KYNU: variants seen among roughly 807,000 people sequenced by gnomAD.
KYNU encodes L-kynurenine hydrolase.
A neutral mutation model predicts 59.2 loss-of-function variants in KYNU; 54 were observed. The observed-to-expected ratio is 0.91, with a 90% CI of 0.73 to 1.14. The LOEUF (loss-of-function observed/expected upper bound fraction) is 1.14. KYNU is among the 50% of genes most tolerant of loss of function. The pLI is 0.00. For missense variants in KYNU, 567 were observed against 554.4 expected (o/e 1.02, Z -0.23); for synonymous variants, 177 against 192.0 (o/e 0.92, Z 0.65).
rs2104930370 is a variant in KYNU at position 143,044,374 on chromosome 2, G to T, written c.*2202G>T. The T allele has an allele frequency of 6.6e-6, 1 of 152,258 alleles. No individual in the cohort carries two copies. Among genetic ancestry groups the T allele is most frequent in the Non-Finnish European group, 1.5e-5 (1 of 68,010 alleles). The allele number at this position is 152,258 out of a possible 1,614,324, so 9.4% of individuals were successfully genotyped here. ...AGTAATGGGATTGCTGGGTTAAATG[G>T]TATTTCTGGTTCTAGATCCTCGAGG... On this transcript the variant is annotated 3_prime_UTR_variant, in exon 14 of 14. Coordinates refer to ENST00000264170, the MANE Select transcript of KYNU (RefSeq NM_003937.3).
chr2:142,927,553 T>C (rs3768849), intron 3 of KYNU, 106 bp from the exon 4 acceptor site: 89,576 of 830,222 alleles, frequency 0.11, 5,794 homozygotes, highest in African/African-American at 0.25. Flanking sequence ...TACTAACACA[T>C]AGAAAGGTCC....
At chr2:142,915,936 G>A (rs1288382255) in intron 2 of KYNU, among the ~76,000 whole-genome samples, 2 of 152,054 alleles carry the variant, frequency 1.3e-5, no homozygotes, top group Non-Finnish European at 2.9e-5. Context: ...ATGTTGTGAT[G>A]TTCTTATAAA....
chr2:142,926,877 C>T (rs565900110), intron 3 of KYNU, among the ~76,000 whole-genome samples: 1 of 152,194 alleles, frequency 6.6e-6, no homozygotes, highest in African/African-American at 2.4e-5. Context: ...GACCCCCCTG[C>T]CTGCTTACAG....
intron 4 of KYNU, among the ~76,000 whole-genome samples, chr2:142,954,416 G>A (rs1414113832): frequency 3.9e-5 from 6 of 151,918 alleles, no homozygotes; most frequent in East Asian, 1.9e-4. Flanking sequence ...TAGAAACAAC[G>A]AACTTTAAAA....
intron 10 of KYNU, among the ~76,000 whole-genome samples, chr2:142,987,456 T>G (rs1369435067): frequency 6.6e-6 from 1 of 151,976 alleles, no homozygotes; most frequent in Non-Finnish European, 1.5e-5. Context: ...AAAGGGATTG[T>G]ATTGTGCTCA....
At position 142,877,954 on chromosome 2, in the gene KYNU, C is replaced by T. The variant is rs139100652; in HGVS notation, c.-20+218C>T. Among the ~76,000 whole-genome samples the T allele has an allele frequency of 5.9e-5, 9 of 152,178 alleles. No homozygotes were observed. The East Asian group carries it at 1.7e-3, about 29-fold the overall frequency. On this transcript the variant is annotated intron_variant, in intron 1 of 13. Coordinates refer to ENST00000264170, the MANE Select transcript of KYNU (RefSeq NM_003937.3). ...AATGGGTTAAATGAAAAGATCTTTA[C>T]TAATGTAATAGAAAAGAACTGATGA...
In KYNU at chr2:143,045,887, T is replaced by A. The variant is rs1687157385; in HGVS notation, c.*3715T>A. The A allele has an allele frequency of 6.6e-6, 1 of 152,144 alleles. No individual in the cohort carries two copies. The highest frequency in any genetic ancestry group is 2.1e-4 in the South Asian group (1 of 4,830). The allele number at this position is 152,144 out of a possible 1,614,324, so 9.4% of individuals were successfully genotyped here. ...CAAGCAGCTTAGTAGGAGAAACATA[T>A]GTTGAACTTGTAAGCAGAGAAGTAA... On this transcript the variant is annotated 3_prime_UTR_variant, in exon 14 of 14. Coordinates refer to ENST00000264170, the MANE Select transcript of KYNU (RefSeq NM_003937.3).
rs538908084 is a variant in KYNU at position 142,970,251 on chromosome 2, TGGA to T, written c.729+9487_729+9489del. On this transcript the variant is annotated intron_variant, in intron 8 of 13. Coordinates refer to ENST00000264170, the MANE Select transcript of KYNU (RefSeq NM_003937.3). ...TTTTCGCAGCAGATAATCTATCTTA[TGGA>T]GGAGGGTGGTGAGCAAAGAAGATAA... Among the ~76,000 whole-genome samples the T allele has an allele frequency of 1.4e-4, 21 of 152,294 alleles. No individual in the cohort carries two copies. The South Asian group carries it at 4.4e-3, about 32-fold the overall frequency.
chr2:142,885,462 A>C lies in KYNU; in HGVS notation c.95A>C (p.His32Pro). 1 of 1,613,948 alleles carries C rather than the reference A, an allele frequency of 6.2e-7. No homozygotes were observed. The highest frequency in any genetic ancestry group is 8.5e-7 in the Non-Finnish European group (1 of 1,179,940). The change falls in exon 2 of 14, where the codon CAC becomes CCC. Residue 32 changes from histidine to proline, a missense_variant. His to Pro is a moderately conservative substitution (Grantham distance 77). Transcript: ENST00000264170. ...CCAACGGATGAGAGGGTGGCTCTCCACCTAGATGAGGAAGATAAGCTGAGG... is the reference window on the plus strand; with the variant it reads ...CCAACGGATGAGAGGGTGGCTCTCCCCCTAGATGAGGAAGATAAGCTGAGG... ...CHPTDERVAL[H>P]LDEEDKLRHF... is the part of the protein sequence containing the mutation.
chr2:142,935,207 AG>A (rs1382384145), intron 4 of KYNU, among the ~76,000 whole-genome samples: 1 of 152,124 alleles, frequency 6.6e-6, no homozygotes, highest in Admixed American at 6.6e-5. Flanking sequence ...CAGCTGGCTG[AG>A]TTTAGGTTGG....
In KYNU at chr2:143,052,488, TC is replaced by T. The variant is rs757278398; in HGVS notation, c.*10317del. 5.3e-5 allele frequency: 8 copies of T among 152,222 alleles called. No individual in the cohort carries two copies. The highest frequency in any genetic ancestry group is 1.2e-4 in the Non-Finnish European group (8 of 68,106). The allele number at this position is 152,222 out of a possible 1,614,324, so 9.4% of individuals were successfully genotyped here. A position where few individuals can be genotyped will look rare whatever the true frequency, so the allele number is the denominator to read the frequency against. ...AGGAGCTTTAGAAGGAAAAATGGCT[TC>T]GTGGGCTGGTCACAGGGTCCCTCTG... On this transcript the variant is annotated 3_prime_UTR_variant, in exon 14 of 14. Transcript: ENST00000264170.
chr2:143,019,505 T>A (rs1686349159), intron 10 of KYNU, among the ~76,000 whole-genome samples: 1 of 152,122 alleles, frequency 6.6e-6, no homozygotes, highest in Non-Finnish European at 1.5e-5. Context: ...GGATAAATGC[T>A]ACTTGATCAT....
chr2:142,940,369 A>T (rs1480601944), intron 4 of KYNU, among the ~76,000 whole-genome samples: 1 of 152,220 alleles, frequency 6.6e-6, no homozygotes, highest in Non-Finnish European at 1.5e-5. Context: ...GTTTATATAG[A>T]AGCCAGGGAA....
chr2:142,986,101 CT>C, intron 10 of KYNU, 80 bp downstream of exon 10: 2 of 929,274 alleles, frequency 2.2e-6, no homozygotes, highest in Non-Finnish European at 1.8e-6. Context: ...ACATGAGTTC[CT>C]TAAGATGCTA....
At chr2:142,933,885 A>G (rs1683303347) in intron 4 of KYNU, among the ~76,000 whole-genome samples, 1 of 152,218 alleles carries the variant, frequency 6.6e-6, no homozygotes, top group African/African-American at 2.4e-5. Context: ...GGGTTTTCCC[A>G]TGTAAAGGCA....
At chr2:142,964,169 A>T (rs1340030988) in intron 8 of KYNU, among the ~76,000 whole-genome samples, 12 of 151,254 alleles carry the variant, frequency 7.9e-5, no homozygotes, top group African/African-American at 2.9e-4. Context: ...AATAGATCAC[A>T]GGTTTTTTCC....
intron 2 of KYNU, among the ~76,000 whole-genome samples, chr2:142,898,319 C>A (rs894447148): frequency 2.0e-5 from 3 of 151,928 alleles, no homozygotes; most frequent in African/African-American, 7.2e-5. Flanking sequence ...TTGCTGCAGC[C>A]AATCCCAGGA....
chr2:142,880,609 C>G (rs1002443105), intron 1 of KYNU, among the ~76,000 whole-genome samples: 1 of 152,212 alleles, frequency 6.6e-6, no homozygotes, highest in Non-Finnish European at 1.5e-5. Context: ...CTGTATCTAA[C>G]TGAATGAATA....
At position 143,032,049 on chromosome 2, in the gene KYNU, G is replaced by A. The variant is rs552684840; in HGVS notation, c.956-1187G>A. Among the ~76,000 whole-genome samples, 79 of 152,164 alleles carry A rather than the reference G, an allele frequency of 5.2e-4. 1 individual carries two copies. The highest frequency in any genetic ancestry group is 1.8e-3 in the African/African-American group (74 of 41,508). On this transcript the variant is annotated intron_variant, in intron 11 of 13. Coordinates refer to ENST00000264170, the MANE Select transcript of KYNU (RefSeq NM_003937.3). ...TCCCAGCACTTTGGGAGGCCAAGGC[G>A]GGCGGATCACGAGGTCAGGAGATCG...
Sources: allele counts gnomAD v4.1 joint callset (sites outside exome capture counted in the v4.1 genomes callset), GRCh38; gene constraint gnomAD v4.1.1; transcripts MANE v1.5; gene names NCBI Gene and HGNC (gene_info 2026-07-23, HGNC 2026-07-21).